Variants in AJAP1 observed in about 807,000 individuals in gnomAD.
AJAP1 encodes adherens junctions associated protein 1, also known as adherens junction-associated protein 1.
A neutral mutation model predicts 35.0 loss-of-function variants in AJAP1; 5 were observed. That is an observed-to-expected ratio of 0.14 (90% CI 0.07 to 0.30). The LOEUF (loss-of-function observed/expected upper bound fraction) is 0.30, where lower values mean the gene tolerates loss of function less well. Ranked by LOEUF, AJAP1 falls within the 10% of genes least tolerant of loss-of-function variation. The pLI, the probability that AJAP1 is intolerant of heterozygous loss-of-function variation, is 1.00. For missense variants in AJAP1, 586 were observed against 571.0 expected, an observed-to-expected ratio of 1.03 and a Z score of -0.27; for synonymous variants, 284 against 249.3, an observed-to-expected ratio of 1.14 and a Z score of -1.31.
In AJAP1 at chr1:4,785,052, G is replaced by A. The variant is rs9426484; in HGVS notation, c.*2567G>A. ...GACGGCCGGGGGGCCCTGTTGGTTC[G>A]CTGATCATGAGAACCTAGGATTCCC... On this transcript the variant is annotated 3_prime_UTR_variant, in exon 6 of 6. Coordinates refer to ENST00000378191, the MANE Select transcript of AJAP1 (RefSeq NM_018836.4). 50,968 of 152,162 alleles carry A rather than the reference G, an allele frequency of 0.33. 8,954 individuals carry two copies. The highest frequency in any genetic ancestry group is 0.55 in the Middle Eastern group (161 of 292). 9.4% of individuals were successfully genotyped at this position (152,162 alleles called of 1,614,324 possible).
intron 2 of AJAP1, among the ~76,000 whole-genome samples, chr1:4,737,933 C>T (rs1434373398): frequency 6.6e-6 from 1 of 152,110 alleles, no homozygotes; most frequent in Non-Finnish European, 1.5e-5. Context: ...AAAACCAAAA[C>T]CAGCTGCCTT....
chr1:4,761,980 A>G (rs78266827), intron 2 of AJAP1, among the ~76,000 whole-genome samples: 1,938 of 152,256 alleles, frequency 0.013, 19 homozygotes, highest in Non-Finnish European at 0.02. Flanking sequence ...AACACTTTGC[A>G]TCCTTCAGTC....
At chr1:4,780,553 G>C (rs752463337) in intron 5 of AJAP1, among the ~76,000 whole-genome samples, 26 of 151,916 alleles carry the variant, frequency 1.7e-4, no homozygotes, top group Non-Finnish European at 3.2e-4. Context: ...CTGGAGTAAG[G>C]CTACCAAGAG....
Position 4,732,165 on chromosome 1 carries a change from G to T in AJAP1, c.829+19466G>T, listed in dbSNP as rs1410329730. 3.3e-5 allele frequency among the ~76,000 whole-genome samples: 5 copies of T among 152,358 alleles called. No homozygotes were observed. The East Asian group carries it at 9.7e-4, about 29-fold the overall frequency. On this transcript the variant is annotated intron_variant, in intron 2 of 5. Coordinates refer to ENST00000378191, the MANE Select transcript of AJAP1 (RefSeq NM_018836.4). ...AGCTTTCAGCCAGCCCCTCTTGCCC[G>T]AAGGGCCCCATGATGTGGGGATGGG...
At chr1:4,764,745 T>G (rs1326441343) in intron 2 of AJAP1, among the ~76,000 whole-genome samples, 1 of 152,224 alleles carries the variant, frequency 6.6e-6, no homozygotes, top group East Asian at 1.9e-4. Flanking sequence ...CTGTTTGCCT[T>G]GGCCAATTCC....
rs1267322938 is a variant in AJAP1, at chr1:4,741,582, A to T, written c.830-28271A>T. 2.0e-5 allele frequency among the ~76,000 whole-genome samples: 3 copies of T among 152,214 alleles called. No homozygotes were observed. The East Asian group carries it at 5.8e-4, about 29-fold the overall frequency. Reference sequence around the variant, plus strand: ...GTTCTGGGTAGACATGAACTTGGGGACACGTTTTTCATTTCAACACAGAGG... The same window carrying T: ...GTTCTGGGTAGACATGAACTTGGGGTCACGTTTTTCATTTCAACACAGAGG... On this transcript the variant is annotated intron_variant, in intron 2 of 5. Coordinates refer to ENST00000378191, the MANE Select transcript of AJAP1 (RefSeq NM_018836.4).
At chr1:4,658,882 C>T (rs998637714) in intron 1 of AJAP1, among the ~76,000 whole-genome samples, 9 of 152,210 alleles carry the variant, frequency 5.9e-5, no homozygotes, top group Admixed American at 3.3e-4. Flanking sequence ...AGAGCAGCGC[C>T]GGCTTCTCCA....
rs913317617 is a variant in AJAP1 at position 4,725,635 on chromosome 1, G to A, written c.829+12936G>A. Among the ~76,000 whole-genome samples, 11 of 152,220 alleles carry A rather than the reference G, an allele frequency of 7.2e-5. No individual in the cohort carries two copies. In the South Asian group the frequency reaches 8.3e-4, roughly 11 times the overall value. On this transcript the variant is annotated intron_variant, in intron 2 of 5. Coordinates refer to ENST00000378191, the MANE Select transcript of AJAP1 (RefSeq NM_018836.4). ...AACGGAACCGGGGGCCTCCTGTGCC[G>A]GTGTCCTGGGCAGCTGCAGCAAAGC... is the stretch of plus-strand genomic sequence containing the variant.
intron 1 of AJAP1, among the ~76,000 whole-genome samples, chr1:4,670,823 T>A (rs1639233339): frequency 6.6e-6 from 1 of 152,226 alleles, no homozygotes; most frequent in South Asian, 2.1e-4. Flanking sequence ...GTTCTTCCCT[T>A]TCCCTTCCGG....
intron 1 of AJAP1, among the ~76,000 whole-genome samples, chr1:4,701,138 C>A (rs557618196): frequency 2.0e-5 from 3 of 152,226 alleles, no homozygotes; most frequent in Non-Finnish European, 2.9e-5. Flanking sequence ...CGAGCAACAT[C>A]CCCCGTGCCC....
intron 1 of AJAP1, among the ~76,000 whole-genome samples, chr1:4,699,784 C>T (rs1639946576): frequency 6.6e-6 from 1 of 152,174 alleles, no homozygotes; most frequent in African/African-American, 2.4e-5. Context: ...AAAGACACAG[C>T]TACTATTTCT....
intron 2 of AJAP1, among the ~76,000 whole-genome samples, chr1:4,733,429 T>C (rs552973285): frequency 6.7e-6 from 1 of 149,474 alleles, no homozygotes; most frequent in Non-Finnish European, 1.5e-5. Context: ...CAACCATTCA[T>C]TCATTCATTC....
chr1:4,741,152 T>G (rs1046078738), intron 2 of AJAP1, among the ~76,000 whole-genome samples: 1 of 152,018 alleles, frequency 6.6e-6, no homozygotes, highest in Non-Finnish European at 1.5e-5. Flanking sequence ...GGAGCTAGGT[T>G]TCTCTCTGGG....
intron 2 of AJAP1, among the ~76,000 whole-genome samples, chr1:4,757,962 G>C (rs546177947): frequency 6.6e-6 from 1 of 152,076 alleles, no homozygotes; most frequent in East Asian, 1.9e-4. Context: ...AATCATGGAA[G>C]TGATCACCCT....
At chr1:4,663,292 G>C (rs1166607026) in intron 1 of AJAP1, among the ~76,000 whole-genome samples, 2 of 151,984 alleles carry the variant, frequency 1.3e-5, no homozygotes, top group Non-Finnish European at 2.9e-5. Flanking sequence ...CATCATGTTT[G>C]ATGGATGAGG....
At chr1:4,746,434 G>A (rs574152970) in intron 2 of AJAP1, among the ~76,000 whole-genome samples, 19 of 152,068 alleles carry the variant, frequency 1.2e-4, no homozygotes, top group Non-Finnish European at 2.2e-4. Flanking sequence ...AGGGAGCACC[G>A]TTCAACCCGC....
In AJAP1 at chr1:4,792,015, A is replaced by G. The variant is rs1642255603; in HGVS notation, c.*9530A>G. ...CAGGTTTTGCATTGAATGTTTTAGA[A>G]CTTTATTCCCCCGCCCCCTCACCCA... On this transcript the variant is annotated 3_prime_UTR_variant, in exon 6 of 6. Transcript: ENST00000378191. 6.6e-6 allele frequency: 1 copy of G among 152,124 alleles called. No individual in the cohort carries two copies. The allele number at this position is 152,124 out of a possible 1,614,324, so 9.4% of individuals were successfully genotyped here.
At position 4,788,439 on chromosome 1, in the gene AJAP1, G is replaced by C. The variant is rs963331167; in HGVS notation, c.*5954G>C. On this transcript the variant is annotated 3_prime_UTR_variant, in exon 6 of 6. Coordinates refer to ENST00000378191, the MANE Select transcript of AJAP1 (RefSeq NM_018836.4). Reference sequence around the variant, plus strand: ...AATCATTCTAGAAAGGTCTTAGCTAGTGAGCACAAAGTAGCCAATCCCGGG... The same window carrying C: ...AATCATTCTAGAAAGGTCTTAGCTACTGAGCACAAAGTAGCCAATCCCGGG... 2.6e-5 allele frequency: 4 copies of C among 152,258 alleles called. No homozygotes were observed. The highest frequency in any genetic ancestry group is 4.4e-5 in the Non-Finnish European group (3 of 68,072). 9.4% of individuals were successfully genotyped at this position (152,258 alleles called of 1,614,324 possible). A position where few individuals can be genotyped will look rare whatever the true frequency, so the allele number is the denominator to read the frequency against.
intron 1 of AJAP1, among the ~76,000 whole-genome samples, chr1:4,696,677 G>A (rs917592048): frequency 2.6e-5 from 4 of 152,258 alleles, no homozygotes; most frequent in African/African-American, 9.6e-5. Context: ...TGATTGTTGT[G>A]TGTGCATGTG....
Sources: gnomAD v4.1 joint callset for allele counts (sites outside exome capture counted in the v4.1 genomes callset) on GRCh38, gnomAD v4.1.1 for gene constraint, MANE v1.5 for transcripts, NCBI Gene and HGNC (gene_info 2026-07-23, HGNC 2026-07-21) for gene names.